The following XKR6 variants were observed in gnomAD, a reference collection of about 807,000 sequenced individuals.
XKR6 encodes XK related 6, also known as XK-related protein 6.
In XKR6, 22 loss-of-function variants were observed where a neutral mutation model predicts 56.7. The ratio of observed to expected loss-of-function variants is 0.39; its 90% CI spans 0.28 to 0.55. XKR6 has a LOEUF of 0.55. XKR6 is among the 20% of genes least tolerant of loss of function. The pLI is 0.66. For synonymous variants in XKR6, 524 were observed against 387.8 expected (o/e 1.35, Z -4.13); for missense variants, 852 against 889.0 (o/e 0.96, Z 0.53).
intron 2 of XKR6, among the ~76,000 whole-genome samples, chr8:10,905,656 G>C (rs1270071700): frequency 2.0e-5 from 3 of 152,026 alleles, no homozygotes; most frequent in Non-Finnish European, 2.9e-5. Flanking sequence ...TTTCAACCCT[G>C]GCCCCCTCCC....
chr8:11,023,030 A>T (rs879234345), intron 1 of XKR6, among the ~76,000 whole-genome samples: 1 of 152,150 alleles, frequency 6.6e-6, no homozygotes, highest in Admixed American at 6.5e-5. Flanking sequence ...CTGTCGAGGC[A>T]ATTTCAGCTC....
In XKR6 at chr8:11,184,606, A is replaced by C. The variant is rs185779833; in HGVS notation, c.764+15970T>G. Among the ~76,000 whole-genome samples, 217 of 152,324 alleles carry C rather than the reference A, an allele frequency of 1.4e-3. 1 individual carries two copies. The highest frequency in any genetic ancestry group is 5.1e-3 in the African/African-American group (210 of 41,572). On this transcript the variant is annotated intron_variant, in intron 1 of 2. Transcript: ENST00000416569. ...GGTTTTCTATAAGAACTTACAAAAC[A>C]TACTGACCTGTTTCGATGAAAACAT...
intron 1 of XKR6, among the ~76,000 whole-genome samples, chr8:10,976,195 C>T (rs1276221597): frequency 2.0e-5 from 3 of 151,876 alleles, no homozygotes; most frequent in African/African-American, 7.3e-5. Context: ...AAAAAGTGCC[C>T]CCCCCCAACC....
At chr8:10,931,164 T>C (rs1272571995) in intron 1 of XKR6, among the ~76,000 whole-genome samples, 1 of 152,162 alleles carries the variant, frequency 6.6e-6, no homozygotes, top group African/African-American at 2.4e-5. Context: ...ATTTAAAAAT[T>C]AAAAATATAT....
At position 11,058,694 on chromosome 8, in the gene XKR6, G is replaced by C. The variant is rs373193432; in HGVS notation, c.765-133864C>G. ...ACACACCGGAGCCTGTCGTGGGCTG[G>C]GGTCAAGTCGAGGGAGAGCATTAGG... is the stretch of plus-strand genomic sequence containing the variant. On this transcript the variant is annotated intron_variant, in intron 1 of 2. Coordinates refer to ENST00000416569, the MANE Select transcript of XKR6 (RefSeq NM_173683.4). 6.6e-5 allele frequency among the ~76,000 whole-genome samples: 10 copies of C among 152,232 alleles called. No homozygotes were observed. In the East Asian group the frequency reaches 9.7e-4, roughly 15 times the overall value.
At chr8:11,070,470 A>G (rs148811125) in intron 1 of XKR6, among the ~76,000 whole-genome samples, 2,448 of 152,264 alleles carry the variant, frequency 0.016, 31 homozygotes, top group Non-Finnish European at 0.026. Context: ...GAAAGGGGCA[A>G]TTTGGGGTGG....
intron 1 of XKR6, among the ~76,000 whole-genome samples, chr8:11,091,950 G>T (rs149072359): frequency 8.6e-4 from 131 of 152,216 alleles, no homozygotes; most frequent in Non-Finnish European, 1.4e-3. Flanking sequence ...TTCTTATACA[G>T]ATCCACCACA....
At chr8:11,035,659 T>C (rs916712445) in intron 1 of XKR6, among the ~76,000 whole-genome samples, 2 of 152,198 alleles carry the variant, frequency 1.3e-5, no homozygotes, top group African/African-American at 4.8e-5. Flanking sequence ...TTCAAAGATA[T>C]TGATTACAAC....
At chr8:11,166,634 G>A (rs150162901) in intron 1 of XKR6, among the ~76,000 whole-genome samples, 23 of 152,146 alleles carry the variant, frequency 1.5e-4, no homozygotes, top group Non-Finnish European at 1.2e-4. Context: ...GTGCCATGGC[G>A]TGACCTTGGC....
intron 1 of XKR6, among the ~76,000 whole-genome samples, chr8:10,970,841 A>C (rs1249456124): frequency 1.3e-5 from 2 of 152,014 alleles, no homozygotes; most frequent in South Asian, 2.1e-4. Context: ...TCATTAACAA[A>C]ATTTCAGCCA....
intron 1 of XKR6, among the ~76,000 whole-genome samples, chr8:10,964,949 T>G (rs969178817): frequency 6.6e-6 from 1 of 152,218 alleles, no homozygotes; most frequent in African/African-American, 2.4e-5. Flanking sequence ...CACATCCCCG[T>G]GCAGGTGTGT....
chr8:11,192,528 C>A (rs925267069), intron 1 of XKR6, among the ~76,000 whole-genome samples: 8 of 151,950 alleles, frequency 5.3e-5, no homozygotes, highest in African/African-American at 1.9e-4. Flanking sequence ...GGCAAGGGAA[C>A]TGCTTGAGCC....
intron 1 of XKR6, among the ~76,000 whole-genome samples, chr8:10,938,449 C>T (rs530857189): frequency 9.8e-5 from 15 of 152,298 alleles, no homozygotes; most frequent in African/African-American, 3.6e-4. Flanking sequence ...TTCATACTTG[C>T]CTACTATCCT....
chr8:10,956,558 G>A lies in XKR6; in HGVS notation c.765-31728C>T, dbSNP rs185421028. Among the ~76,000 whole-genome samples, 841 of 152,292 alleles carry A rather than the reference G, an allele frequency of 5.5e-3. 11 individuals are homozygous for A. Among genetic ancestry groups the A allele is most frequent in the African/African-American group, 0.019 (780 of 41,564 alleles). ...GACAGAGAGGACAGCGCTAAGCATG[G>A]CACTCAGATACCACTGGAAAGACAG... On this transcript the variant is annotated intron_variant, in intron 1 of 2. Coordinates refer to ENST00000416569, the MANE Select transcript of XKR6 (RefSeq NM_173683.4).
At chr8:11,014,672 G>A (rs763661921) in intron 1 of XKR6, among the ~76,000 whole-genome samples, 45 of 152,180 alleles carry the variant, frequency 3.0e-4, no homozygotes, top group Non-Finnish European at 4.7e-4. Context: ...ACTCAACACA[G>A]ATATGGGGCA....
intron 2 of XKR6, among the ~76,000 whole-genome samples, chr8:10,909,179 A>T (rs1172955241): frequency 2.1e-5 from 3 of 139,924 alleles, no homozygotes; most frequent in Admixed American, 7.0e-5. Context: ...AAAAAAAAAA[A>T]ATAGTTTGGC....
chr8:11,047,486 C>A (rs1799439349), intron 1 of XKR6, among the ~76,000 whole-genome samples: 1 of 152,146 alleles, frequency 6.6e-6, no homozygotes, highest in South Asian at 2.1e-4. Flanking sequence ...TCAAATATGT[C>A]ATTGGCCCAT....
intron 1 of XKR6, among the ~76,000 whole-genome samples, chr8:10,950,274 C>G (rs1563306835): frequency 1.3e-5 from 2 of 152,228 alleles, no homozygotes; most frequent in African/African-American, 4.8e-5. Flanking sequence ...AGCCCCCGGC[C>G]TCCTCTAGGT....
At chr8:11,033,237 G>A (rs959714280) in intron 1 of XKR6, among the ~76,000 whole-genome samples, 1 of 151,426 alleles carries the variant, frequency 6.6e-6, no homozygotes, top group Non-Finnish European at 1.5e-5. Context: ...TGGTGATGGT[G>A]GTGGTGACAG....
Sources: allele counts gnomAD v4.1 joint callset (sites outside exome capture counted in the v4.1 genomes callset), GRCh38; gene constraint gnomAD v4.1.1; transcripts MANE v1.5; gene names NCBI Gene and HGNC (gene_info 2026-07-23, HGNC 2026-07-21).